LRP1B: variants seen among roughly 807,000 people sequenced by gnomAD.
The protein encoded by LRP1B is low-density lipoprotein receptor-related protein 1B.
In LRP1B, 217 loss-of-function variants were observed where a neutral mutation model predicts 556.6. That is an observed-to-expected ratio of 0.39 (90% CI 0.35 to 0.44). LRP1B has a LOEUF of 0.44. Among genes scored for constraint, LRP1B ranks in the 20% least tolerant of loss-of-function variants. The pLI is 1.00. For synonymous variants in LRP1B, 2,047 were observed against 1,865.8 expected (o/e 1.10, Z -2.50); for missense variants, 5,053 against 5,620.8 (o/e 0.90, Z 3.23).
intron 7 of LRP1B, among the ~76,000 whole-genome samples, chr2:141,097,768 TG>T (rs1700357869): frequency 6.6e-6 from 1 of 152,152 alleles, no homozygotes; most frequent in Non-Finnish European, 1.5e-5. Context: ...ACAAATAGAT[TG>T]GCTTATATCA....
In LRP1B at chr2:140,950,440, A is replaced by G. The variant is rs112107827; in HGVS notation, c.2969-38T>C. 61 of 1,519,654 alleles carry G rather than the reference A, an allele frequency of 4.0e-5. 3 individuals carry two copies. In the Middle Eastern group the frequency reaches 1.1e-3, roughly 26 times the overall value. The allele number at this position is 1,519,654 out of a possible 1,614,324, so 94.1% of individuals were successfully genotyped here. The stretch of plus-strand genomic sequence containing the variant: ...ATCAACATGAGGCAGTGAAATCTGA[A>G]CCATGAAGAAATTTTTTCTTATGAA... On this transcript the variant is annotated intron_variant, in intron 19 of 90. Transcript: ENST00000389484.
intron 41 of LRP1B, among the ~76,000 whole-genome samples, chr2:140,665,790 G>T (rs1053126443): frequency 1.3e-5 from 2 of 151,984 alleles, no homozygotes; most frequent in African/African-American, 4.8e-5. Context: ...TTCATAAAGA[G>T]TTGTTGTTCT....
intron 3 of LRP1B, among the ~76,000 whole-genome samples, chr2:141,268,251 C>T (rs1684962899): frequency 6.6e-6 from 1 of 152,060 alleles, no homozygotes; most frequent in Admixed American, 6.6e-5. Context: ...AATAAAAATA[C>T]AAGGTAGAAA....
intron 1 of LRP1B, among the ~76,000 whole-genome samples, chr2:141,821,396 T>C (rs1696747872): frequency 6.6e-6 from 1 of 152,224 alleles, no homozygotes; most frequent in African/African-American, 2.4e-5. Context: ...AGTCGCTTTC[T>C]TTTAGTTTCA....
intron 27 of LRP1B, 65 bp downstream of exon 27, chr2:140,867,525 A>T: frequency 6.8e-7 from 1 of 1,474,090 alleles, no homozygotes; most frequent in East Asian, 2.4e-5. Context: ...TTATACTTCA[A>T]ATATTATATG....
chr2:140,398,521 T>TGTTGTTGTTGTC (rs1336445447), intron 66 of LRP1B, among the ~76,000 whole-genome samples: 21 of 151,914 alleles, frequency 1.4e-4, no homozygotes, highest in African/African-American at 5.1e-4. Flanking sequence ...CTTTCTCTTT[T>TGTTGTTGTTGTC]GTTGTTGTTG....
intron 62 of LRP1B, 121 bp downstream of exon 62, chr2:140,456,334 G>T: frequency 1.1e-6 from 1 of 951,522 alleles, no homozygotes; most frequent in Non-Finnish European, 1.4e-6. Flanking sequence ...ATGTTATAGT[G>T]TTTTCCTTTA....
At chr2:142,113,382 T>A (rs979530753) in intron 1 of LRP1B, among the ~76,000 whole-genome samples, 10 of 152,078 alleles carry the variant, frequency 6.6e-5, no homozygotes, top group Non-Finnish European at 1.3e-4. Context: ...TAATTCCATA[T>A]CTATAATTTT....
intron 19 of LRP1B, 76 bp downstream of exon 19, chr2:140,951,784 C>G: frequency 8.5e-7 from 1 of 1,171,894 alleles, no homozygotes; most frequent in Non-Finnish European, 1.3e-6. Flanking sequence ...CAAAGTACCT[C>G]TGAAGAAAGC....
At chr2:140,723,850 T>G (rs1024143785) in intron 35 of LRP1B, among the ~76,000 whole-genome samples, 2 of 152,200 alleles carry the variant, frequency 1.3e-5, no homozygotes, top group Non-Finnish European at 2.9e-5. Context: ...GCACCACAAT[T>G]TATTAAAGAT....
At chr2:140,813,631 C>T (rs199816946) in intron 32 of LRP1B, 26 bp downstream of exon 32, 135 of 1,609,292 alleles carry the variant, frequency 8.4e-5, no homozygotes, top group Non-Finnish European at 1.1e-4. Flanking sequence ...TACAAAGCAA[C>T]CAAGCTATAG....
At chr2:140,291,318 A>ATATATTTTTTTTTT (rs369391920) in intron 84 of LRP1B, among the ~76,000 whole-genome samples, 17 of 109,322 alleles carry the variant, frequency 1.6e-4, no homozygotes, top group African/African-American at 3.3e-4. Flanking sequence ...ATATATATAT[A>ATATATTTTTTTTTT]TTTTTATTAT....
At chr2:141,437,807 T>A (rs1241496303) in intron 3 of LRP1B, among the ~76,000 whole-genome samples, 1 of 151,996 alleles carries the variant, frequency 6.6e-6, no homozygotes, top group Non-Finnish European at 1.5e-5. Flanking sequence ...ATTCCAAGCA[T>A]ATTCAAAATC....
chr2:142,124,783 G>T (rs1707579042), intron 1 of LRP1B, among the ~76,000 whole-genome samples: 1 of 151,698 alleles, frequency 6.6e-6, no homozygotes, highest in Non-Finnish European at 1.5e-5. Flanking sequence ...CATATGATTT[G>T]CTCTGCAAAC....
chr2:140,591,266 A>C (rs17193856), intron 43 of LRP1B, among the ~76,000 whole-genome samples: 22,930 of 152,166 alleles, frequency 0.15, 2,238 homozygotes, highest in South Asian at 0.28. Flanking sequence ...AATATACTTG[A>C]TTGCAATGTC....
chr2:141,117,270 T>C (rs1700929716), intron 7 of LRP1B, among the ~76,000 whole-genome samples: 1 of 150,408 alleles, frequency 6.6e-6, no homozygotes, highest in Non-Finnish European at 1.5e-5. Context: ...TTCAAAAGAA[T>C]CATTTTAAGT....
At position 140,570,425 on chromosome 2, in the gene LRP1B, C is replaced by G. The variant is rs148086392; in HGVS notation, c.7194+28206G>C. 5.2e-3 allele frequency among the ~76,000 whole-genome samples: 790 copies of G among 151,374 alleles called. 3 individuals carry two copies. Among genetic ancestry groups the G allele is most frequent in the Middle Eastern group, 0.014 (4 of 294 alleles). ...CATACTGACAAATTGGAAAACCTAA[C>G]AGAAAGGGATACATTTATAAACACA... On this transcript the variant is annotated intron_variant, in intron 43 of 90. Coordinates refer to ENST00000389484, the MANE Select transcript of LRP1B (RefSeq NM_018557.3).
chr2:140,556,733 T>TC (rs1161051672), intron 43 of LRP1B, among the ~76,000 whole-genome samples: 1 of 113,484 alleles, frequency 8.8e-6, no homozygotes, highest in East Asian at 3.0e-4. Flanking sequence ...AACAAACAAA[T>TC]TTAAAAAAAA....
intron 77 of LRP1B, among the ~76,000 whole-genome samples, chr2:140,349,550 T>TA (rs1681864340): frequency 6.6e-6 from 1 of 151,914 alleles, no homozygotes; most frequent in Non-Finnish European, 1.5e-5. Flanking sequence ...AGTATATAGT[T>TA]AATATACTAA....
Sources: gnomAD v4.1 joint callset for allele counts (sites outside exome capture counted in the v4.1 genomes callset) on GRCh38, gnomAD v4.1.1 for gene constraint, MANE v1.5 for transcripts, NCBI Gene and HGNC (gene_info 2026-07-23, HGNC 2026-07-21) for gene names.